Variants in ARHGAP6 observed in about 807,000 individuals in gnomAD.
ARHGAP6 encodes Rho GTPase activating protein 6.
In ARHGAP6, 16 loss-of-function variants were observed where a neutral mutation model predicts 55.7. The ratio of observed to expected loss-of-function variants is 0.29; its 90% CI spans 0.19 to 0.44. The LOEUF (loss-of-function observed/expected upper bound fraction) is 0.44, where lower values mean the gene tolerates loss of function less well. Ranked by LOEUF, ARHGAP6 falls within the 20% of genes least tolerant of loss-of-function variation. The pLI is 1.00. For missense variants in ARHGAP6, 698 were observed against 808.9 expected, an observed-to-expected ratio of 0.86 and a Z score of 1.66; for synonymous variants, 382 against 360.9, an observed-to-expected ratio of 1.06 and a Z score of -0.66.
chrX:11,299,381 G>A (rs373035747), intron 1 of ARHGAP6, among the ~76,000 whole-genome samples: 2 of 111,822 alleles, frequency 1.8e-5, no homozygotes, highest in Admixed American at 1.9e-4. Flanking sequence ...AAGAGGGAGC[G>A]GATAATTTTG....
At chrX:11,220,730 A>T (rs1054413024) in intron 2 of ARHGAP6, among the ~76,000 whole-genome samples, 7 of 110,315 alleles carry the variant, frequency 6.3e-5, no homozygotes, top group Admixed American at 3.9e-4. Flanking sequence ...TCGACTAACA[A>T]GCAAAATAAC....
At chrX:11,195,752 C>G (rs1246809904) in intron 3 of ARHGAP6, among the ~76,000 whole-genome samples, 1 of 108,499 alleles carries the variant, frequency 9.2e-6, no homozygotes, top group African/African-American at 3.4e-5. Context: ...GTACAACAAA[C>G]TCTTGCAACA....
intron 1 of ARHGAP6, among the ~76,000 whole-genome samples, chrX:11,525,625 T>C (rs1020313068): frequency 4.5e-5 from 5 of 112,116 alleles, no homozygotes; most frequent in Non-Finnish European, 9.4e-5. Flanking sequence ...TGCTTTATCA[T>C]TGCACAACTT....
At chrX:11,350,200 T>C (rs2048844065) in intron 1 of ARHGAP6, among the ~76,000 whole-genome samples, 1 of 111,488 alleles carries the variant, frequency 9.0e-6, no homozygotes, top group African/African-American at 3.3e-5. Context: ...ACTCCAAAAA[T>C]CCTGTATGCT....
intron 3 of ARHGAP6, among the ~76,000 whole-genome samples, chrX:11,193,832 G>A (rs2046495850): frequency 8.9e-6 from 1 of 112,475 alleles, no homozygotes; most frequent in Non-Finnish European, 1.9e-5. Flanking sequence ...CTTGCTTCCT[G>A]CTGCTTTGTA....
chrX:11,174,010 G>A (rs1168229035), intron 8 of ARHGAP6, among the ~76,000 whole-genome samples: 2 of 111,954 alleles, frequency 1.8e-5, no homozygotes, highest in Non-Finnish European at 3.8e-5. Context: ...ATAGGGAAGA[G>A]AAGAAGTTGA....
chrX:11,263,593 C>T (rs2047588411), intron 1 of ARHGAP6, among the ~76,000 whole-genome samples: 2 of 111,452 alleles, frequency 1.8e-5, no homozygotes, highest in South Asian at 7.6e-4. Flanking sequence ...GCTGCATGAG[C>T]TACCAGGACA....
chrX:11,290,245 C>T (rs2047971829), intron 1 of ARHGAP6: 1 of 218,131 alleles, frequency 4.6e-6, no homozygotes, highest in Non-Finnish European at 8.8e-6. Context: ...TCAGAATCCA[C>T]ATTTTCTATG....
chrX:11,330,662 C>T (rs1015893600), intron 1 of ARHGAP6, among the ~76,000 whole-genome samples: 1 of 111,750 alleles, frequency 8.9e-6, no homozygotes, highest in Admixed American at 9.5e-5. Context: ...CTCATCTAAT[C>T]ATCACAACAC....
chrX:11,640,018 A>T (rs1193218803), intron 1 of ARHGAP6, among the ~76,000 whole-genome samples: 2 of 111,813 alleles, frequency 1.8e-5, no homozygotes, highest in Non-Finnish European at 3.8e-5. Context: ...AAAAAAGTAC[A>T]TGTTTAGATG....
chrX:11,296,843 C>T lies in ARHGAP6; in HGVS notation c.589-42136G>A, dbSNP rs755035318. ...AGCTATGAGGTAATTTTTCTCTTTA[C>T]TAATTTTGACCATTGTTTGCGTTAA... is the stretch of plus-strand genomic sequence containing the variant. On this transcript the variant is annotated intron_variant, in intron 1 of 12. Transcript: ENST00000337414. 5 of 1,205,878 alleles carry T rather than the reference C, an allele frequency of 4.1e-6. No homozygotes were observed. The East Asian group carries it at 1.2e-4, about 29-fold the overall frequency.
At chrX:11,209,349 T>C (rs1034254045) in intron 2 of ARHGAP6, among the ~76,000 whole-genome samples, 1 of 111,664 alleles carries the variant, frequency 9.0e-6, no homozygotes, top group Non-Finnish European at 1.9e-5. Context: ...TTCGCCATGT[T>C]GGCCAGGCTG....
intron 2 of ARHGAP6, among the ~76,000 whole-genome samples, chrX:11,248,972 G>A (rs942086263): frequency 9.0e-5 from 10 of 111,721 alleles, no homozygotes; most frequent in Non-Finnish European, 1.9e-5. Flanking sequence ...GCACACACAT[G>A]TTTACAGCCA....
intron 1 of ARHGAP6, among the ~76,000 whole-genome samples, chrX:11,556,059 A>T (rs1026745944): frequency 9.0e-6 from 1 of 111,265 alleles, no homozygotes; most frequent in African/African-American, 3.3e-5. Flanking sequence ...CACAACAAAC[A>T]AACTTTCTGA....
intron 5 of ARHGAP6, among the ~76,000 whole-genome samples, chrX:11,183,441 C>A: frequency 8.9e-6 from 1 of 111,749 alleles, no homozygotes. Flanking sequence ...AGTGTCAGTG[C>A]TGAGGTTGAG....
intron 1 of ARHGAP6, among the ~76,000 whole-genome samples, chrX:11,500,663 C>CAAAAAAAA (rs995574477): frequency 6.0e-4 from 20 of 33,479 alleles, no homozygotes; most frequent in African/African-American, 1.0e-3. Flanking sequence ...CAGACTCTGT[C>CAAAAAAAA]AAAAAAAAAA....
At chrX:11,427,928 G>A (rs1020340483) in intron 1 of ARHGAP6, 17 of 408,333 alleles carry the variant, frequency 4.2e-5, no homozygotes, top group Non-Finnish European at 4.9e-5. Flanking sequence ...GGGTCCCTCC[G>A]GCGGCCGCCG....
chrX:11,165,764 G>T (rs1248344247), intron 9 of ARHGAP6, among the ~76,000 whole-genome samples: 1 of 110,765 alleles, frequency 9.0e-6, no homozygotes, highest in Non-Finnish European at 1.9e-5. Context: ...GTTTCCAAAG[G>T]TGTGGTTAGG....
chrX:11,171,334 C>G (rs957797031), intron 8 of ARHGAP6, among the ~76,000 whole-genome samples: 68 of 108,531 alleles, frequency 6.3e-4, no homozygotes, highest in Non-Finnish European at 8.6e-4. Context: ...GGATCACATC[C>G]ATATATTATT....
Sources: gnomAD v4.1 joint callset for allele counts (sites outside exome capture counted in the v4.1 genomes callset) on GRCh38, gnomAD v4.1.1 for gene constraint, MANE v1.5 for transcripts, NCBI Gene and HGNC (gene_info 2026-07-23, HGNC 2026-07-21) for gene names.